Variants in FBXL17 observed in about 807,000 individuals in gnomAD.
FBXL17 encodes F-box and leucine rich repeat protein 17.
In FBXL17, 22 loss-of-function variants were observed where a neutral mutation model predicts 66.2. That is an observed-to-expected ratio of 0.33 (90% confidence interval 0.24 to 0.47). The LOEUF is 0.47. Ranked by LOEUF, FBXL17 falls within the 20% of genes least tolerant of loss-of-function variation. FBXL17 has a pLI of 1.00. For missense variants in FBXL17, 878 were observed against 948.2 expected (o/e 0.93, Z 0.97); for synonymous variants, 474 against 400.5 (o/e 1.18, Z -2.19).
intron 7 of FBXL17, among the ~76,000 whole-genome samples, chr5:108,006,820 G>C (rs1753943203): frequency 1.3e-5 from 2 of 152,152 alleles, no homozygotes; most frequent in South Asian, 4.1e-4. Flanking sequence ...CCTTTACTAT[G>C]TACTTCAGGA....
At chr5:108,321,522 G>T (rs551940982) in intron 4 of FBXL17, among the ~76,000 whole-genome samples, 4 of 151,796 alleles carry the variant, frequency 2.6e-5, no homozygotes, top group African/African-American at 9.7e-5. Flanking sequence ...TTCTCTTAAA[G>T]AATCTGCACA....
intron 6 of FBXL17, among the ~76,000 whole-genome samples, chr5:108,171,713 A>C (rs1458255743): frequency 6.6e-6 from 1 of 152,208 alleles, no homozygotes; most frequent in African/African-American, 2.4e-5. Context: ...TGCTAGTTTT[A>C]CTACAAAGGA....
intron 6 of FBXL17, among the ~76,000 whole-genome samples, chr5:108,056,815 C>T (rs1051718749): frequency 2.0e-5 from 3 of 152,224 alleles, no homozygotes; most frequent in Non-Finnish European, 4.4e-5. Context: ...CATGTTTGGA[C>T]AGCTTTTCTC....
At chr5:107,977,236 T>C (rs1752614645) in intron 7 of FBXL17, among the ~76,000 whole-genome samples, 1 of 152,180 alleles carries the variant, frequency 6.6e-6, no homozygotes, top group African/African-American at 2.4e-5. Context: ...TGAGAAGCAA[T>C]TGTGGTTATC....
intron 4 of FBXL17, among the ~76,000 whole-genome samples, chr5:108,323,055 C>T (rs939112830): frequency 4.6e-5 from 7 of 151,654 alleles, no homozygotes; most frequent in African/African-American, 9.7e-5. Flanking sequence ...AGACATGATG[C>T]CCATTTATGC....
At chr5:107,944,497 G>A (rs553710781) in intron 7 of FBXL17, among the ~76,000 whole-genome samples, 2 of 152,224 alleles carry the variant, frequency 1.3e-5, no homozygotes, top group South Asian at 2.1e-4. Context: ...ATGTTCTAAA[G>A]GAGTTTGAAT....
intron 7 of FBXL17, among the ~76,000 whole-genome samples, chr5:107,888,416 C>T (rs1430587760): frequency 6.6e-6 from 1 of 152,104 alleles, no homozygotes; most frequent in African/African-American, 2.4e-5. Context: ...CTGAAGGGTA[C>T]ACCTTGATGA....
chr5:108,164,099 C>T (rs908360251), intron 6 of FBXL17, among the ~76,000 whole-genome samples: 1 of 152,112 alleles, frequency 6.6e-6, no homozygotes, highest in Non-Finnish European at 1.5e-5. Context: ...AGCAAAGATG[C>T]CTTAGTAATC....
intron 5 of FBXL17, among the ~76,000 whole-genome samples, chr5:108,199,659 G>A (rs946715436): frequency 6.6e-6 from 1 of 151,994 alleles, no homozygotes; most frequent in African/African-American, 2.4e-5. Context: ...CTTATATTAT[G>A]TTCAATTCTC....
chr5:107,889,469 A>G (rs1246526512), intron 7 of FBXL17, among the ~76,000 whole-genome samples: 1 of 152,180 alleles, frequency 6.6e-6, no homozygotes, highest in Non-Finnish European at 1.5e-5. Flanking sequence ...ATTAGAGACT[A>G]AAAATTTGAA....
chr5:107,975,847 TG>T (rs1180363181), intron 7 of FBXL17, among the ~76,000 whole-genome samples: 4 of 62,360 alleles, frequency 6.4e-5, no homozygotes, highest in Admixed American at 1.6e-4. Flanking sequence ...AGAGGGTTTT[TG>T]TTGTTGTTGT....
intron 7 of FBXL17, among the ~76,000 whole-genome samples, chr5:107,981,214 G>A (rs172305): frequency 0.33 from 49,948 of 152,032 alleles, 8,607 homozygotes; most frequent in East Asian, 0.51. Flanking sequence ...TGCTAGAAAG[G>A]AGTTGGAGAT....
intron 4 of FBXL17, among the ~76,000 whole-genome samples, chr5:108,268,831 G>A (rs1757149385): frequency 6.6e-6 from 1 of 151,904 alleles, no homozygotes; most frequent in African/African-American, 2.4e-5. Context: ...TTTTTAAGCT[G>A]GTCCTGAGAA....
At position 108,110,598 on chromosome 5, in the gene FBXL17, T is replaced by A. The variant is rs187633970; in HGVS notation, c.1745+75519A>T. ...CCACAGAGGAGAAGAAGGCACAAGATTAAATGATTTCCATTTTTCGATGCT... is the reference window on the plus strand; with the variant it reads ...CCACAGAGGAGAAGAAGGCACAAGAATAAATGATTTCCATTTTTCGATGCT... On this transcript the variant is annotated intron_variant, in intron 6 of 8. Transcript: ENST00000542267. Among the ~76,000 whole-genome samples, 281 of 152,310 alleles carry A rather than the reference T, an allele frequency of 1.8e-3. 1 individual carries two copies. Among genetic ancestry groups the A allele is most frequent in the African/African-American group, 6.3e-3 (260 of 41,574 alleles).
intron 6 of FBXL17, among the ~76,000 whole-genome samples, chr5:108,171,180 G>A (rs1580549900): frequency 6.6e-6 from 1 of 152,268 alleles, no homozygotes; most frequent in Admixed American, 6.5e-5. Flanking sequence ...GCAAATGGAT[G>A]TTATTTTATT....
chr5:108,203,721 T>C (rs1372108692), intron 5 of FBXL17, among the ~76,000 whole-genome samples: 1 of 152,166 alleles, frequency 6.6e-6, no homozygotes, highest in Non-Finnish European at 1.5e-5. Context: ...AAACAGTGTG[T>C]TCTTTCTGTA....
At chr5:108,277,386 G>A (rs773605105) in intron 4 of FBXL17, among the ~76,000 whole-genome samples, 55 of 151,886 alleles carry the variant, frequency 3.6e-4, no homozygotes, top group Non-Finnish European at 6.9e-4. Flanking sequence ...CTTTCTGGGG[G>A]AAAAAATGTA....
chr5:108,153,691 A>G (rs1561436487), intron 6 of FBXL17, among the ~76,000 whole-genome samples: 1 of 152,090 alleles, frequency 6.6e-6, no homozygotes, highest in Non-Finnish European at 1.5e-5. Context: ...AAAAAATATC[A>G]AGGTTGGGCC....
At chr5:108,142,521 C>T (rs1041323613) in intron 6 of FBXL17, among the ~76,000 whole-genome samples, 1 of 152,154 alleles carries the variant, frequency 6.6e-6, no homozygotes, top group African/African-American at 2.4e-5. Flanking sequence ...CACAAGAGCA[C>T]CTCTGCCCAA....
Sources: allele counts gnomAD v4.1 joint callset (sites outside exome capture counted in the v4.1 genomes callset), GRCh38; gene constraint gnomAD v4.1.1; transcripts MANE v1.5; gene names NCBI Gene and HGNC (gene_info 2026-07-23, HGNC 2026-07-21).